The following LOXL2 variants were observed in gnomAD, a reference collection of about 807,000 sequenced individuals.
LOXL2 encodes the protein lysyl oxidase homolog 2.
In LOXL2, 70 loss-of-function variants were observed where a neutral mutation model predicts 93.0. The ratio of observed to expected loss-of-function variants is 0.75; its 90% CI spans 0.62 to 0.92. LOXL2 has a LOEUF of 0.92. Among genes scored for constraint, LOXL2 ranks in the 40% least tolerant of loss-of-function variants. The pLI is 0.00. For synonymous variants in LOXL2, 438 were observed against 413.2 expected (o/e 1.06, Z -0.73); for missense variants, 973 against 1,054.9 (o/e 0.92, Z 1.08).
At chr8:23,327,633 A>T (rs1198284573) in intron 6 of LOXL2, among the ~76,000 whole-genome samples, 1 of 151,448 alleles carries the variant, frequency 6.6e-6, no homozygotes, top group African/African-American at 2.4e-5. Context: ...AAGACTGGGC[A>T]CTCCTAGACC....
chr8:23,303,685 G>A (rs1209558304), intron 10 of LOXL2, among the ~76,000 whole-genome samples: 2 of 152,180 alleles, frequency 1.3e-5, no homozygotes, highest in South Asian at 2.1e-4. Flanking sequence ...CCAGGGAGGT[G>A]AGCAGATTAG....
chr8:23,364,201 T>C (rs1804356749), intron 2 of LOXL2: 1 of 152,110 alleles, frequency 6.6e-6, no homozygotes, highest in Non-Finnish European at 1.5e-5. Flanking sequence ...ACAGGCTTAG[T>C]GCTTATTAAC....
In LOXL2 at chr8:23,332,059, G is replaced by A. The variant is rs954636365; in HGVS notation, c.966+1342C>T. ...TCAAAAAAAAAAAAAAGAAGAAGAA[G>A]AAGAAAAGAAAAGAAAAGAAAAAAG... is the stretch of plus-strand genomic sequence containing the variant. On this transcript the variant is annotated intron_variant, in intron 5 of 13. Coordinates refer to ENST00000389131, the MANE Select transcript of LOXL2 (RefSeq NM_002318.3). The A allele has an allele frequency of 7.6e-3, 1,062 of 140,072 alleles. 75 individuals carry two copies. The East Asian group carries it at 0.16, about 21-fold the overall frequency. 8.7% of individuals were successfully genotyped at this position (140,072 alleles called of 1,614,324 possible).
intron 1 of LOXL2, among the ~76,000 whole-genome samples, chr8:23,386,822 G>T (rs1804769629): frequency 6.6e-6 from 1 of 152,220 alleles, no homozygotes; most frequent in South Asian, 2.1e-4. Flanking sequence ...GGAGAATCAG[G>T]CCAAGGATCT....
At chr8:23,345,633 T>C in intron 3 of LOXL2, among the ~76,000 whole-genome samples, 1 of 152,016 alleles carries the variant, frequency 6.6e-6, no homozygotes, top group East Asian at 1.9e-4. Flanking sequence ...TGCTGTGGAA[T>C]CCCTTCCATA....
At chr8:23,368,560 C>T in intron 1 of LOXL2, 126 bp from the exon 2 acceptor site, 2 of 590,668 alleles carry the variant, frequency 3.4e-6, no homozygotes, top group Non-Finnish European at 6.0e-6. Flanking sequence ...CCAATCCAGC[C>T]CCACTCCTAC....
intron 2 of LOXL2, among the ~76,000 whole-genome samples, chr8:23,366,995 G>A (rs539469841): frequency 2.6e-5 from 4 of 152,156 alleles, no homozygotes; most frequent in Non-Finnish European, 5.9e-5. Flanking sequence ...TAGGTTCAGG[G>A]CTTCAAACTT....
intron 4 of LOXL2, among the ~76,000 whole-genome samples, chr8:23,335,346 C>T (rs1320551626): frequency 6.6e-6 from 1 of 152,126 alleles, no homozygotes; most frequent in Non-Finnish European, 1.5e-5. Flanking sequence ...TATAGGCATG[C>T]GTCAGTGCCT....
intron 10 of LOXL2, among the ~76,000 whole-genome samples, chr8:23,305,347 C>T (rs973946226): frequency 6.6e-6 from 1 of 152,192 alleles, no homozygotes; most frequent in Non-Finnish European, 1.5e-5. Context: ...TTCAGTTTTT[C>T]CCCTGCAAAC....
intron 9 of LOXL2, among the ~76,000 whole-genome samples, chr8:23,313,323 G>A (rs905786207): frequency 6.6e-6 from 1 of 152,114 alleles, no homozygotes; most frequent in Non-Finnish European, 1.5e-5. Context: ...AGCCAAAAAA[G>A]AGCCCGCATC....
intron 10 of LOXL2, among the ~76,000 whole-genome samples, chr8:23,308,818 C>A (rs1803273055): frequency 6.6e-6 from 1 of 151,972 alleles, no homozygotes; most frequent in African/African-American, 2.4e-5. Context: ...CAGGCGAGGT[C>A]CCAGGTGATG....
At chr8:23,314,774 C>T (rs1178565452) in intron 9 of LOXL2, among the ~76,000 whole-genome samples, 6 of 150,100 alleles carry the variant, frequency 4.0e-5, no homozygotes, top group African/African-American at 1.5e-4. Context: ...GCACATGTAC[C>T]TTAAAACTTA....
chr8:23,403,712 C>G (rs974722676), intron 1 of LOXL2, among the ~76,000 whole-genome samples: 3 of 151,980 alleles, frequency 2.0e-5, no homozygotes, highest in Non-Finnish European at 2.9e-5. Flanking sequence ...GCTCCCCGGG[C>G]GCGCCAGCAG....
chr8:23,382,165 C>T (rs538074104), intron 1 of LOXL2, among the ~76,000 whole-genome samples: 4 of 152,152 alleles, frequency 2.6e-5, no homozygotes, highest in Non-Finnish European at 5.9e-5. Flanking sequence ...ACCCAGAAAA[C>T]CATGTCCCCT....
chr8:23,387,339 C>T (rs1804780083), intron 1 of LOXL2, among the ~76,000 whole-genome samples: 1 of 152,174 alleles, frequency 6.6e-6, no homozygotes. Flanking sequence ...GAAAGAATTC[C>T]TTCACATTAG....
chr8:23,304,217 G>A (rs75627367), intron 10 of LOXL2, among the ~76,000 whole-genome samples: 8,842 of 152,358 alleles, frequency 0.058, 369 homozygotes, highest in Middle Eastern at 0.16. Context: ...ATCCCTTGCC[G>A]CTGGTTTACA....
intron 1 of LOXL2, among the ~76,000 whole-genome samples, chr8:23,390,930 T>TGGTGGAA (rs1051561772): frequency 2.6e-5 from 4 of 151,654 alleles, no homozygotes; most frequent in Non-Finnish European, 5.9e-5. Flanking sequence ...CTCACAATCA[T>TGGTGGAA]GGTGGAAGGT....
At chr8:23,341,518 G>A (rs1481423815) in intron 3 of LOXL2, 2 of 443,458 alleles carry the variant, frequency 4.5e-6, no homozygotes, top group East Asian at 4.6e-5. Context: ...AGAGCAAAGG[G>A]CAGCAGCCTC....
intron 1 of LOXL2, among the ~76,000 whole-genome samples, chr8:23,373,735 C>G (rs1028822832): frequency 6.6e-6 from 1 of 152,032 alleles, no homozygotes; most frequent in African/African-American, 2.4e-5. Context: ...TGATAACTTG[C>G]CTAAAGTTGC....
Sources: allele counts gnomAD v4.1 joint callset (sites outside exome capture counted in the v4.1 genomes callset), GRCh38; gene constraint gnomAD v4.1.1; transcripts MANE v1.5; gene names NCBI Gene and HGNC (gene_info 2026-07-23, HGNC 2026-07-21).